The following BLZF1 variants were observed in gnomAD, a reference collection of about 807,000 sequenced individuals.
The protein encoded by BLZF1 is golgin-45.
Under a neutral mutation model 43.8 loss-of-function variants are expected in BLZF1, and 39 were observed. That is an observed-to-expected ratio of 0.89 (90% CI 0.69 to 1.16). The LOEUF (loss-of-function observed/expected upper bound fraction) is 1.16, where lower values mean the gene tolerates loss of function less well. Among genes scored for constraint, BLZF1 ranks in the 50% most tolerant of loss-of-function variants. The pLI, the probability that BLZF1 is intolerant of heterozygous loss-of-function variation, is 0.00. For missense variants in BLZF1, 449 were observed against 469.8 expected (o/e 0.96, Z 0.41); for synonymous variants, 136 against 159.4 (o/e 0.85, Z 1.11).
At chr1:169,389,533 G>A (rs1246729763), downstream of BLZF1, among the ~76,000 whole-genome samples, 1 of 152,202 alleles carries the variant, frequency 6.6e-6, no homozygotes, top group Middle Eastern at 3.2e-3. Flanking sequence ...AATGTAAAAT[G>A]TTGAAAACAG....
chr1:169,369,778 T>A (rs1279526743), intron 2 of BLZF1, among the ~76,000 whole-genome samples: 1 of 152,102 alleles, frequency 6.6e-6, no homozygotes, highest in African/African-American at 2.4e-5. Flanking sequence ...CTTAAACATT[T>A]AATGTTAATG....
chr1:169,369,454 C>T lies in BLZF1; in HGVS notation c.-50-19C>T. 1 of 1,289,104 alleles carries T rather than the reference C, an allele frequency of 7.8e-7. No homozygotes were observed. The highest frequency in any genetic ancestry group is 1.1e-6 in the Non-Finnish European group (1 of 916,072). The allele number at this position is 1,289,104 out of a possible 1,614,324, so 79.9% of individuals were successfully genotyped here. ...TTATATGATATTTTTAAAATTATTT[C>T]ATATGCATACATTTCTAGGTTGTTC... On this transcript the variant is annotated intron_variant, in intron 1 of 6. Coordinates refer to ENST00000367808, the MANE Select transcript of BLZF1 (RefSeq NM_001320973.2).
chr1:169,388,538 A>G (rs1313280703), downstream of BLZF1, among the ~76,000 whole-genome samples: 1 of 152,266 alleles, frequency 6.6e-6, no homozygotes, highest in Non-Finnish European at 1.5e-5. Context: ...AATTTCATCA[A>G]AATTTCAAAT....
rs191730179 is a variant in BLZF1 at position 169,380,073 on chromosome 1, T to C, written c.669-408T>C. 3.3e-5 allele frequency among the ~76,000 whole-genome samples: 5 copies of C among 152,048 alleles called. No homozygotes were observed. The East Asian group carries it at 9.6e-4, about 29-fold the overall frequency. ...AAAAGACTTTATATAAATCTTTTTA[T>C]ATTAATATTTTTCTGGGGGCAAAGA... On this transcript the variant is annotated intron_variant, in intron 4 of 6. Transcript: ENST00000367808.
Position 169,369,455 on chromosome 1 carries a change from A to G in BLZF1, c.-50-18A>G, listed in dbSNP as rs992434180. The G allele has an allele frequency of 3.3e-5, 43 of 1,299,236 alleles. 2 individuals carry two copies. Among genetic ancestry groups the G allele is most frequent in the Middle Eastern group, 4.1e-4 (2 of 4,842 alleles). 80.5% of individuals were successfully genotyped at this position (1,299,236 alleles called of 1,614,324 possible). A position where few individuals can be genotyped will look rare whatever the true frequency, so the allele number is the denominator to read the frequency against. On this transcript the variant is annotated intron_variant, in intron 1 of 6. Coordinates refer to ENST00000367808, the MANE Select transcript of BLZF1 (RefSeq NM_001320973.2). ...TATATGATATTTTTAAAATTATTTCATATGCATACATTTCTAGGTTGTTCA... is the reference window on the plus strand; with the variant it reads ...TATATGATATTTTTAAAATTATTTCGTATGCATACATTTCTAGGTTGTTCA...
intron 2 of BLZF1, among the ~76,000 whole-genome samples, chr1:169,375,740 T>C (rs1449269075): frequency 2.6e-5 from 4 of 151,568 alleles, no homozygotes; most frequent in Middle Eastern, 3.2e-3. Flanking sequence ...TACTGATCTG[T>C]GTGCTCGTCT....
chr1:169,393,611 C>CT (rs200730125), intron 7 of BLZF1, among the ~76,000 whole-genome samples: 16,508 of 145,768 alleles, frequency 0.11, 981 homozygotes, highest in Admixed American at 0.13. Context: ...AACTTTGTCT[C>CT]TTTTTTTTGA....
At chr1:169,374,310 C>T (rs1395722894) in intron 2 of BLZF1, among the ~76,000 whole-genome samples, 1 of 151,956 alleles carries the variant, frequency 6.6e-6, no homozygotes, top group East Asian at 1.9e-4. Context: ...TCACCTGAGC[C>T]CAGGAAGTCA....
chr1:169,382,605 A>G (rs970852099), intron 6 of BLZF1, among the ~76,000 whole-genome samples: 3 of 152,224 alleles, frequency 2.0e-5, no homozygotes, highest in African/African-American at 7.2e-5. Flanking sequence ...TGTAGATTAA[A>G]TTAGTAGATT....
intron 2 of BLZF1, among the ~76,000 whole-genome samples, chr1:169,375,430 ATG>A (rs1654285484): frequency 1.7e-5 from 2 of 120,932 alleles, no homozygotes; most frequent in Admixed American, 8.6e-5. Flanking sequence ...ATATATATAT[ATG>A]GTCTGGCTGG....
chr1:169,376,431 T>G (rs1032885742), intron 2 of BLZF1, 109 bp from the exon 3 acceptor site: 7 of 909,862 alleles, frequency 7.7e-6, no homozygotes, highest in Non-Finnish European at 1.1e-5. Flanking sequence ...ATTTTTTTTT[T>G]GCATTCTTTT....
Position 169,376,940 on chromosome 1 carries a change from C to T in BLZF1, c.429C>T (p.Asp143=). Reference sequence around the variant, plus strand: ...ATTCTGAAAGAAGGTTACTACAGGACAAAGAAGGTCTTTCAAACCAGCTCC... The same window carrying T: ...ATTCTGAAAGAAGGTTACTACAGGATAAAGAAGGTCTTTCAAACCAGCTCC... ...LKNSERRLLQ[D]KEGLSNQLRV... is the part of the protein sequence containing the mutation. The change falls in exon 3 of 7, where the codon GAC becomes GAT. Residue 143 remains aspartate, a synonymous_variant. Coordinates refer to ENST00000367808, the MANE Select transcript of BLZF1 (RefSeq NM_001320973.2). The T allele has an allele frequency of 6.2e-7, 1 of 1,613,142 alleles. No homozygotes were observed.
At chr1:169,370,892 G>A (rs1038096699) in intron 2 of BLZF1, among the ~76,000 whole-genome samples, 3 of 152,062 alleles carry the variant, frequency 2.0e-5, no homozygotes, top group Admixed American at 6.6e-5. Context: ...TCACATAGCT[G>A]TAGGCAACAA....
At chr1:169,377,131 T>G in intron 3 of BLZF1, 152 bp downstream of exon 3, 1 of 681,856 alleles carries the variant, frequency 1.5e-6, no homozygotes, top group Non-Finnish European at 2.5e-6. Flanking sequence ...TTCTCATTCT[T>G]TCTCAGTTCT....
intron 6 of BLZF1, among the ~76,000 whole-genome samples, chr1:169,386,343 G>C (rs929360213): frequency 2.6e-5 from 4 of 152,130 alleles, no homozygotes; most frequent in Non-Finnish European, 5.9e-5. Flanking sequence ...TTGAATGAAA[G>C]ATTGAAGAGG....
At chr1:169,396,129 CAA>C (rs1655020184) in exon 8 of BLZF1, 2 of 152,060 alleles carry the variant, frequency 1.3e-5, no homozygotes, top group Admixed American at 1.3e-4. Flanking sequence ...CATGTACAGA[CAA>C]ATACTTAGAC....
chr1:169,384,821 A>T (rs1654624899), intron 6 of BLZF1, among the ~76,000 whole-genome samples: 1 of 152,106 alleles, frequency 6.6e-6, no homozygotes, highest in African/African-American at 2.4e-5. Context: ...ACTGTATTAA[A>T]TTATAATAGT....
chr1:169,389,107 G>A (rs988004900), downstream of BLZF1, among the ~76,000 whole-genome samples: 18 of 148,186 alleles, frequency 1.2e-4, no homozygotes, highest in African/African-American at 4.2e-4. Flanking sequence ...GGGTGACGGA[G>A]CGAAACTCTG....
At chr1:169,376,109 G>A (rs191597582) in intron 2 of BLZF1, among the ~76,000 whole-genome samples, 106 of 152,164 alleles carry the variant, frequency 7.0e-4, no homozygotes, top group Non-Finnish European at 1.2e-3. Context: ...TTATGATGTA[G>A]ATGGTTTCAA....
Sources: gnomAD v4.1 joint callset for allele counts (sites outside exome capture counted in the v4.1 genomes callset) on GRCh38, gnomAD v4.1.1 for gene constraint, MANE v1.5 for transcripts, NCBI Gene and HGNC (gene_info 2026-07-23, HGNC 2026-07-21) for gene names.